Variants in AKAP9 observed in about 807,000 individuals in gnomAD.
AKAP9 encodes A-kinase anchor protein 9.
AKAP9 carries 311 observed loss-of-function variants against 488.5 expected under a neutral mutation model. The observed-to-expected ratio is 0.64, with a 90% CI of 0.58 to 0.70. The LOEUF (loss-of-function observed/expected upper bound fraction) is 0.70. Among genes scored for constraint, AKAP9 ranks in the 30% least tolerant of loss-of-function variants. AKAP9 has a pLI of 0.00. For synonymous variants in AKAP9, 1,462 were observed against 1,483.5 expected (o/e 0.99, Z 0.33); for missense variants, 4,215 against 4,374.5 (o/e 0.96, Z 1.03).
chr7:91,963,647 A>C (rs766321300), intron 1 of AKAP9, among the ~76,000 whole-genome samples: 1 of 152,018 alleles, frequency 6.6e-6, no homozygotes, highest in Non-Finnish European at 1.5e-5. Flanking sequence ...CCCCCTGAGT[A>C]GCTGGGACTA....
chr7:92,057,553 CAG>C (rs1408480152), intron 22 of AKAP9: 1 of 182,472 alleles, frequency 5.5e-6, no homozygotes, highest in African/African-American at 2.4e-5. Context: ...ACCTTTTCCT[CAG>C]GGGACACTGA....
In AKAP9 at chr7:92,086,382, T is replaced by C; in HGVS notation, c.9179T>C (p.Leu3060Ser). The C allele has an allele frequency of 6.2e-7, 1 of 1,614,082 alleles. No homozygotes were observed. Among genetic ancestry groups the C allele is most frequent in the Non-Finnish European group, 8.5e-7 (1 of 1,179,946 alleles). The change falls in exon 37 of 50, where the codon TTA (leucine) becomes TCA (serine). Residue 3060 changes from leucine to serine, a missense_variant. By Grantham distance (145) the Leu-to-Ser change is moderately radical. Around this residue, in one of 5 missense-constraint regions of AKAP9, gnomAD observed 1,476 missense variants for 1,477.4 expected, o/e 1.00. Transcript: ENST00000356239. ...CTAGGTACTACAGATGCAGTTGGTT[T>C]ACTAAACTGTTTGGAACAGAGAATA... The part of the protein sequence containing the change: ...TALGTTDAVG[L>S]LNCLEQRIQE...
intron 3 of AKAP9, among the ~76,000 whole-genome samples, chr7:91,983,405 T>C (rs560150932): frequency 1.8e-4 from 27 of 152,336 alleles, no homozygotes; most frequent in African/African-American, 6.3e-4. Context: ...GGCTGCATAG[T>C]ATTCCATGGT....
At chr7:92,025,093 A>C (rs752201799) in intron 14 of AKAP9, among the ~76,000 whole-genome samples, 1 of 152,240 alleles carries the variant, frequency 6.6e-6, no homozygotes, top group Non-Finnish European at 1.5e-5. Flanking sequence ...TTTTAACAAT[A>C]TAATTCAGAG....
intron 1 of AKAP9, among the ~76,000 whole-genome samples, chr7:91,961,485 G>A (rs1392425669): frequency 1.3e-5 from 2 of 151,674 alleles, no homozygotes; most frequent in Non-Finnish European, 2.9e-5. Context: ...GCCAAAACTT[G>A]GCATATTTTA....
intron 3 of AKAP9, among the ~76,000 whole-genome samples, chr7:91,981,952 C>T (rs939987636): frequency 6.6e-6 from 1 of 152,130 alleles, no homozygotes; most frequent in African/African-American, 2.4e-5. Context: ...GGTGCTTAAA[C>T]TGCCTGTATC....
In AKAP9 at chr7:91,967,038, T is replaced by TAAG. The variant is rs1584617124; in HGVS notation, c.49-6672_49-6671insAGA. ...TCCTTGTATAGATTTTTTACTTCTT[T>TAAG]AGTTAAATTGATTTCTGGGTATTTT... On this transcript the variant is annotated intron_variant, in intron 1 of 49. Coordinates refer to ENST00000356239, the MANE Select transcript of AKAP9 (RefSeq NM_005751.5). Among the ~76,000 whole-genome samples the TAAG allele has an allele frequency of 2.0e-5, 3 of 152,300 alleles. No homozygotes were observed. The East Asian group carries it at 5.8e-4, about 29-fold the overall frequency.
In AKAP9 at chr7:92,099,807, A is replaced by G. The variant is rs778092831; in HGVS notation, c.10834A>G (p.Met3612Val). 3.7e-6 allele frequency: 6 copies of G among 1,614,134 alleles called. No homozygotes were observed. Among genetic ancestry groups the G allele is most frequent in the Admixed American group, 3.3e-5 (2 of 60,024 alleles). Residue 3612 changes from methionine to valine, a missense_variant, in exon 44 of 50, where the codon ATG (methionine) becomes GTG (valine). Coordinates refer to ENST00000356239, the MANE Select transcript of AKAP9 (RefSeq NM_005751.5). Reference sequence around the variant, plus strand: ...TGAAGAGAAGAATGACTTAAGGAACATGGTTATGAAGCTGGAAGAGCAGAT... The same window carrying G: ...TGAAGAGAAGAATGACTTAAGGAACGTGGTTATGAAGCTGGAAGAGCAGAT... ...LTEEKNDLRN[M>V]VMKLEEQIRW...
Position 91,940,949 on chromosome 7 carries a change from G to A in AKAP9, c.-151G>A. On this transcript the variant is annotated 5_prime_UTR_variant, in exon 1 of 50. Coordinates refer to ENST00000356239, the MANE Select transcript of AKAP9 (RefSeq NM_005751.5). Reference sequence around the variant, plus strand: ...AGGACGATCCGCCAGTGAGCGCGGAGACTGCTTCCACTTCGGGCGGGGGAG... The same window carrying A: ...AGGACGATCCGCCAGTGAGCGCGGAAACTGCTTCCACTTCGGGCGGGGGAG... 1 of 813,552 alleles carries A rather than the reference G, an allele frequency of 1.2e-6. No individual in the cohort carries two copies. 50.4% of individuals were successfully genotyped at this position (813,552 alleles called of 1,614,324 possible). A position where few individuals can be genotyped will look rare whatever the true frequency, so the allele number is the denominator to read the frequency against.
At chr7:91,968,499 A>G (rs953110639) in intron 1 of AKAP9, among the ~76,000 whole-genome samples, 1 of 152,164 alleles carries the variant, frequency 6.6e-6, no homozygotes, top group African/African-American at 2.4e-5. Context: ...GAAAATTAGT[A>G]TAGCTAAAGG....
chr7:91,996,053 G>T, intron 7 of AKAP9: 2 of 405,748 alleles, frequency 4.9e-6, no homozygotes, highest in East Asian at 3.7e-5. Context: ...TATAGCTATA[G>T]TTTTTTTTGT....
chr7:92,061,842 T>G (rs560329658), intron 23 of AKAP9, among the ~76,000 whole-genome samples: 1 of 152,000 alleles, frequency 6.6e-6, no homozygotes, highest in East Asian at 1.9e-4. Context: ...TATGCTCTTT[T>G]TAATTCTCCT....
chr7:92,011,685 A>G (rs2130700122), intron 8 of AKAP9, among the ~76,000 whole-genome samples: 1 of 152,354 alleles, frequency 6.6e-6, no homozygotes, highest in Admixed American at 6.5e-5. Context: ...AAGCCCAGAA[A>G]CACATTGAGA....
At chr7:91,971,970 T>C (rs1377187507) in intron 1 of AKAP9, among the ~76,000 whole-genome samples, 2 of 143,552 alleles carry the variant, frequency 1.4e-5, no homozygotes, top group Admixed American at 7.0e-5. Flanking sequence ...GAGTCTTTTA[T>C]GTTTTGCCTC....
chr7:92,010,017 C>G (rs776764964), intron 8 of AKAP9, among the ~76,000 whole-genome samples: 1 of 152,112 alleles, frequency 6.6e-6, no homozygotes, highest in Non-Finnish European at 1.5e-5. Context: ...GTAGCTGGGA[C>G]CACAACAGGC....
Position 92,040,753 on chromosome 7 carries a change from G to C in AKAP9, c.4772G>C (p.Arg1591Thr). ...AATGAAGAACAGTTGGAAGATATGA[G>C]ACAGGAACTTGTACGACAATACCAA... is the stretch of plus-strand genomic sequence containing the variant. ...MLNEEQLEDMRQELVRQYQEH... is the reference protein window; with the variant it reads ...MLNEEQLEDMTQELVRQYQEH... The change falls in exon 18 of 50, where the codon AGA (arginine) becomes ACA (threonine). Residue 1591 changes from arginine (R) to threonine (T), a missense_variant. Arg to Thr is a moderately conservative substitution (Grantham distance 71). This residue lies in a region of AKAP9 where 2,361 missense variants were observed against 2,430.0 expected (regional missense o/e 0.97). Transcript: ENST00000356239. 1 of 1,612,904 alleles carries C rather than the reference G, an allele frequency of 6.2e-7. No homozygotes were observed. Among genetic ancestry groups the C allele is most frequent in the Non-Finnish European group, 8.5e-7 (1 of 1,179,820 alleles).
rs1248194939 is a variant in AKAP9 at position 92,079,538 on chromosome 7, C to T, written c.7405C>T (p.Leu2469Phe). The T allele has an allele frequency of 6.2e-7, 1 of 1,613,656 alleles. No individual in the cohort carries two copies. Among genetic ancestry groups the T allele is most frequent in the African/African-American group, 1.3e-5 (1 of 74,916 alleles). The change falls in exon 31 of 50, where the codon CTT becomes TTT. Residue 2469 changes from leucine to phenylalanine, a missense_variant. Coordinates refer to ENST00000356239, the MANE Select transcript of AKAP9 (RefSeq NM_005751.5). ...AGACAAACCTGAACTAGAAGTAGTC[C>T]TTACAGAGGATGCTCTTAAATCCCT... ...SKDKPELEVV[L>F]TEDALKSLEN... is the part of the protein sequence containing the mutation.
At chr7:92,065,141 A>G (rs1425715239) in intron 24 of AKAP9, 90 bp from the exon 25 acceptor site, 8 of 759,406 alleles carry the variant, frequency 1.1e-5, no homozygotes, top group Non-Finnish European at 1.7e-5. Context: ...CCTTTCATGA[A>G]CGTAAAATTT....
At chr7:92,040,039 C>A (rs2130780023) in intron 17 of AKAP9, among the ~76,000 whole-genome samples, 2 of 152,190 alleles carry the variant, frequency 1.3e-5, no homozygotes, top group South Asian at 4.2e-4. Flanking sequence ...TTCTTCAAGA[C>A]CTCTTTAATT....
Sources: allele counts gnomAD v4.1 joint callset (sites outside exome capture counted in the v4.1 genomes callset), GRCh38; gene constraint gnomAD v4.1.1; regional missense constraint gnomAD v4.1.1; transcripts MANE v1.5; gene names NCBI Gene and HGNC (gene_info 2026-07-23, HGNC 2026-07-21).